Variants in CLMN observed in about 807,000 individuals in gnomAD.
The protein encoded by CLMN is calmin.
In CLMN, 57 loss-of-function variants were observed where a neutral mutation model predicts 92.7. The observed-to-expected ratio is 0.61, with a 90% CI of 0.50 to 0.77. CLMN has a LOEUF of 0.77. Among genes scored for constraint, CLMN ranks in the 30% least tolerant of loss-of-function variants. The pLI, the probability that CLMN is intolerant of heterozygous loss-of-function variation, is 0.00. For synonymous variants in CLMN, 466 were observed against 470.6 expected (o/e 0.99, Z 0.13); for missense variants, 1,158 against 1,237.5 (o/e 0.94, Z 0.96).
chr14:95,272,729 C>T (rs890409594), intron 1 of CLMN, among the ~76,000 whole-genome samples: 3 of 152,170 alleles, frequency 2.0e-5, no homozygotes, highest in East Asian at 1.9e-4. Flanking sequence ...CCTGCCTGCA[C>T]GGAGTTCATG....
intron 1 of CLMN, among the ~76,000 whole-genome samples, chr14:95,282,021 G>A (rs1900161445): frequency 6.6e-6 from 1 of 152,190 alleles, no homozygotes; most frequent in South Asian, 2.1e-4. Context: ...TTGGCTGTGT[G>A]TCTCTGGTTA....
chr14:95,288,668 A>G (rs1900437876), intron 1 of CLMN, among the ~76,000 whole-genome samples: 1 of 152,224 alleles, frequency 6.6e-6, no homozygotes, highest in Non-Finnish European at 1.5e-5. Flanking sequence ...TCCACAAAAA[A>G]TAAAACATGC....
chr14:95,227,646 G>C (rs1897754256), intron 2 of CLMN, among the ~76,000 whole-genome samples: 1 of 152,214 alleles, frequency 6.6e-6, no homozygotes, highest in Admixed American at 6.5e-5. Flanking sequence ...GCCTTGGCCG[G>C]AGTCCATCCT....
chr14:95,317,086 C>T (rs1004780798), intron 1 of CLMN, among the ~76,000 whole-genome samples: 3 of 152,210 alleles, frequency 2.0e-5, no homozygotes, highest in Admixed American at 2.0e-4. Context: ...AAGAACAAGG[C>T]CCCTGCTGGT....
chr14:95,263,104 C>T (rs1899323060), intron 1 of CLMN, among the ~76,000 whole-genome samples: 1 of 152,174 alleles, frequency 6.6e-6, no homozygotes, highest in Non-Finnish European at 1.5e-5. Context: ...AAGACATACC[C>T]GAGACTGGCT....
At chr14:95,264,453 C>A (rs1282549252) in intron 1 of CLMN, among the ~76,000 whole-genome samples, 1 of 152,184 alleles carries the variant, frequency 6.6e-6, no homozygotes, top group Non-Finnish European at 1.5e-5. Flanking sequence ...AACATTCAGT[C>A]TTTAAGCTCA....
chr14:95,299,282 A>G lies in CLMN; in HGVS notation c.82+20429T>C, dbSNP rs185322144. 1.4e-4 allele frequency among the ~76,000 whole-genome samples: 21 copies of G among 152,172 alleles called. No individual in the cohort carries two copies. The East Asian group carries it at 3.7e-3, about 27-fold the overall frequency. ...AAGTCAGGAGAGAGCAGATGCAAAA[A>G]CCCAGGATCCAGAGGACCATTCTGG... On this transcript the variant is annotated intron_variant, in intron 1 of 12. Transcript: ENST00000298912.
chr14:95,264,605 G>A (rs1474461734), intron 1 of CLMN, among the ~76,000 whole-genome samples: 1 of 152,028 alleles, frequency 6.6e-6, no homozygotes, highest in Non-Finnish European at 1.5e-5. Context: ...GGCCTCCCAG[G>A]GTCCATGCCC....
intron 1 of CLMN, among the ~76,000 whole-genome samples, chr14:95,298,873 T>C (rs923133813): frequency 6.6e-6 from 1 of 152,192 alleles, no homozygotes; most frequent in Non-Finnish European, 1.5e-5. Context: ...CAGGCCAGGT[T>C]GTCCGATCCA....
chr14:95,257,609 C>A (rs1268988712), intron 1 of CLMN, among the ~76,000 whole-genome samples: 3 of 152,372 alleles, frequency 2.0e-5, no homozygotes, highest in East Asian at 1.9e-4. Context: ...TGGTTTAATT[C>A]TTTCAACGAC....
intron 4 of CLMN, among the ~76,000 whole-genome samples, chr14:95,218,181 C>T (rs10143863): frequency 0.069 from 10,503 of 152,226 alleles, 402 homozygotes; most frequent in South Asian, 0.097. Flanking sequence ...AAGGTGGTAT[C>T]ACACCTAGTT....
intron 1 of CLMN, among the ~76,000 whole-genome samples, chr14:95,272,824 G>A (rs874910): frequency 0.01 from 1,559 of 152,264 alleles, 29 homozygotes; most frequent in African/African-American, 0.035. Context: ...AAGGGAAAAC[G>A]TTGGGGCCAA....
rs139944346 is a variant in CLMN, at chr14:95,294,719, C to T, written c.82+24992G>A. ...CTCTCCCTGCCCTGTGTCCTGGGGGCAGGTCCTCCACAGGTTGTGTCACTG... is the reference window on the plus strand; with the variant it reads ...CTCTCCCTGCCCTGTGTCCTGGGGGTAGGTCCTCCACAGGTTGTGTCACTG... On this transcript the variant is annotated intron_variant, in intron 1 of 12. Transcript: ENST00000298912. This position sits in a 1 kb window ranked among gnomAD's most constrained non-coding sequence, Gnocchi z 4.2. Among the ~76,000 whole-genome samples the T allele has an allele frequency of 2.3e-4, 35 of 152,364 alleles. No homozygotes were observed. In the East Asian group the frequency reaches 6.2e-3, roughly 27 times the overall value.
chr14:95,293,730 T>C (rs1900695748), intron 1 of CLMN, among the ~76,000 whole-genome samples: 1 of 92,076 alleles, frequency 1.1e-5, no homozygotes, highest in Admixed American at 1.7e-4. Flanking sequence ...GAAAAATAAA[T>C]CTGAGGCAAC....
chr14:95,299,587 T>C (rs543196483), intron 1 of CLMN, among the ~76,000 whole-genome samples: 4 of 152,200 alleles, frequency 2.6e-5, no homozygotes, highest in African/African-American at 9.6e-5. Context: ...CACTAGGAAG[T>C]AGAAGGTAAA....
At chr14:95,251,812 C>T (rs1320937229) in intron 1 of CLMN, among the ~76,000 whole-genome samples, 6 of 152,236 alleles carry the variant, frequency 3.9e-5, no homozygotes, top group African/African-American at 1.2e-4. Context: ...TGGAGCTCCT[C>T]AGAGCCTAGT....
rs778737889 is a variant in CLMN, at chr14:95,203,492, C to A, written c.1857G>T (p.Ser619=). 2 of 1,614,070 alleles carry A rather than the reference C, an allele frequency of 1.2e-6. No homozygotes were observed. Among genetic ancestry groups the A allele is most frequent in the African/African-American group, 1.3e-5 (1 of 74,994 alleles). The change falls in exon 9 of 13, where the codon TCG becomes TCT. Residue 619 remains serine (S), a synonymous_variant. Coordinates refer to ENST00000298912, the MANE Select transcript of CLMN (RefSeq NM_024734.4). ...TGTCCATCTTAACTTGAGGCTCTGG[C>A]GAATCCTTCTTTTTGTGAGCAGATT... is the stretch of plus-strand genomic sequence containing the variant. ...SIKSAHKKKD[S]PEPQVKMDKH...
chr14:95,290,248 G>A lies in CLMN; in HGVS notation c.82+29463C>T, dbSNP rs141197207. 1.5e-4 allele frequency among the ~76,000 whole-genome samples: 23 copies of A among 152,294 alleles called. No homozygotes were observed. The East Asian group carries it at 4.4e-3, about 29-fold the overall frequency. ...CCCCGCCCACTCTTCTTTCTTGGGT[G>A]GTGGTGCTTTGTGACTCTGTCACAC... On this transcript the variant is annotated intron_variant, in intron 1 of 12. Coordinates refer to ENST00000298912, the MANE Select transcript of CLMN (RefSeq NM_024734.4).
intron 1 of CLMN, among the ~76,000 whole-genome samples, chr14:95,252,250 G>A (rs547966785): frequency 5.3e-5 from 8 of 152,232 alleles, no homozygotes; most frequent in African/African-American, 4.8e-5. Context: ...GCCTGGCCTC[G>A]ACCATTTACC....
Sources: gnomAD v4.1 joint callset for allele counts (sites outside exome capture counted in the v4.1 genomes callset) on GRCh38, gnomAD v4.1.1 for gene constraint, Gnocchi (gnomAD v3.1) non-coding constraint, MANE v1.5 for transcripts, NCBI Gene and HGNC (gene_info 2026-07-23, HGNC 2026-07-21) for gene names.